The following NUDT3 variants were observed in gnomAD, a reference collection of about 807,000 sequenced individuals.
The protein encoded by NUDT3 is nudix hydrolase 3.
Under a neutral mutation model 23.6 loss-of-function variants are expected in NUDT3, and 9 were observed. The observed-to-expected ratio is 0.38, with a 90% confidence interval of 0.23 to 0.66. NUDT3 has a LOEUF of 0.66. Ranked by LOEUF, NUDT3 falls within the 30% of genes least tolerant of loss-of-function variation. The pLI, the probability that NUDT3 is intolerant of heterozygous loss-of-function variation, is 0.52. For synonymous variants in NUDT3, 86 were observed against 82.6 expected (o/e 1.04, Z -0.22); for missense variants, 172 against 218.5 (o/e 0.79, Z 1.34).
intron 2 of NUDT3, among the ~76,000 whole-genome samples, chr6:34,330,451 T>TA (rs1764110701): frequency 6.6e-6 from 1 of 152,212 alleles, no homozygotes; most frequent in South Asian, 2.1e-4. Flanking sequence ...ATGTAGAAGA[T>TA]ACACATTTTT....
chr6:34,345,351 C>T (rs1190152640), intron 1 of NUDT3, among the ~76,000 whole-genome samples: 1 of 151,904 alleles, frequency 6.6e-6, no homozygotes, highest in Non-Finnish European at 1.5e-5. Context: ...CCCAGCTGAT[C>T]ACTGTCATTT....
At chr6:34,326,838 T>G (rs537755728) in intron 2 of NUDT3, among the ~76,000 whole-genome samples, 7 of 152,058 alleles carry the variant, frequency 4.6e-5, no homozygotes, top group Non-Finnish European at 7.4e-5. Context: ...TAACCTCAGG[T>G]GATCCACCCG....
At chr6:34,329,273 A>T (rs549199348) in intron 2 of NUDT3, among the ~76,000 whole-genome samples, 117 of 152,200 alleles carry the variant, frequency 7.7e-4, no homozygotes, top group African/African-American at 2.6e-3. Flanking sequence ...TATATATATA[A>T]AAAAGAGAAC....
chr6:34,312,318 C>T (rs1461267677), intron 2 of NUDT3, among the ~76,000 whole-genome samples: 2 of 151,548 alleles, frequency 1.3e-5, no homozygotes, highest in African/African-American at 4.9e-5. Context: ...AGGAAAATCG[C>T]TTGAACCTGG....
chr6:34,369,572 T>C (rs6933172), intron 1 of NUDT3, among the ~76,000 whole-genome samples: 2,172 of 152,230 alleles, frequency 0.014, 43 homozygotes, highest in African/African-American at 0.046. Flanking sequence ...CAAACAGCGA[T>C]AGGTACTAGG....
intron 1 of NUDT3, among the ~76,000 whole-genome samples, chr6:34,369,280 T>C (rs900613968): frequency 6.6e-6 from 1 of 152,210 alleles, no homozygotes; most frequent in Non-Finnish European, 1.5e-5. Flanking sequence ...TACTGGGGGT[T>C]AAGTTACTCA....
chr6:34,355,757 T>C (rs1280341344), intron 1 of NUDT3, among the ~76,000 whole-genome samples: 1 of 151,726 alleles, frequency 6.6e-6, no homozygotes, highest in African/African-American at 2.4e-5. Flanking sequence ...TAGGCTTATT[T>C]ATTTATTCTT....
chr6:34,333,054 T>C (rs1184900253), intron 2 of NUDT3, among the ~76,000 whole-genome samples: 1 of 152,198 alleles, frequency 6.6e-6, no homozygotes, highest in African/African-American at 2.4e-5. Context: ...CAGCTTCTGC[T>C]GCCCTAGTCT....
At chr6:34,336,666 C>T (rs1764213403) in intron 2 of NUDT3, among the ~76,000 whole-genome samples, 1 of 152,064 alleles carries the variant, frequency 6.6e-6, no homozygotes, top group Admixed American at 6.6e-5. Context: ...AGTGCTTCCC[C>T]CTGTGTTTAC....
chr6:34,335,916 G>A (rs1241975843), intron 2 of NUDT3, among the ~76,000 whole-genome samples: 2 of 151,608 alleles, frequency 1.3e-5, no homozygotes, highest in African/African-American at 4.8e-5. Context: ...AATTTTTATT[G>A]ACACATAATA....
rs1039172345 is a variant in NUDT3 at position 34,287,163 on chromosome 6, ATTTCT to A, written c.*1585_*1589del. 1 of 152,216 alleles carries A rather than the reference ATTTCT, an allele frequency of 6.6e-6. No individual in the cohort carries two copies. Among genetic ancestry groups the A allele is most frequent in the Non-Finnish European group, 1.5e-5 (1 of 68,040 alleles). The allele number at this position is 152,216 out of a possible 1,614,324, so 9.4% of individuals were successfully genotyped here. A position where few individuals can be genotyped will look rare whatever the true frequency, so the allele number is the denominator to read the frequency against. Reference sequence around the variant, plus strand: ...TGACACAGGGCTATGAGGTACATACATTTCTTTTAGTAGGAGGGAAAAGTAAAAGC... The same window carrying A: ...TGACACAGGGCTATGAGGTACATACATTTAGTAGGAGGGAAAAGTAAAAGC... On this transcript the variant is annotated 3_prime_UTR_variant, in exon 5 of 5. Transcript: ENST00000607016.
At position 34,302,461 on chromosome 6, in the gene NUDT3, G is replaced by A. The variant is rs147842190; in HGVS notation, c.211-6776C>T. Among the ~76,000 whole-genome samples, 227 of 152,244 alleles carry A rather than the reference G, an allele frequency of 1.5e-3. 1 individual carries two copies. The highest frequency in any genetic ancestry group is 5.0e-3 in the African/African-American group (209 of 41,540). On this transcript the variant is annotated intron_variant, in intron 2 of 4. Transcript: ENST00000607016. The stretch of plus-strand genomic sequence containing the variant: ...AAGAAACACATCCATGGCCGGGTGC[G>A]GTGGCTCATGCCTGTAATCCCAGCA...
intron 2 of NUDT3, among the ~76,000 whole-genome samples, chr6:34,314,789 T>A (rs1342126285): frequency 1.3e-5 from 2 of 152,136 alleles, no homozygotes; most frequent in Non-Finnish European, 2.9e-5. Flanking sequence ...TAGTCTGTTT[T>A]TCTAGTAATA....
intron 2 of NUDT3, among the ~76,000 whole-genome samples, chr6:34,323,432 T>C (rs777715568): frequency 6.6e-6 from 1 of 152,088 alleles, no homozygotes; most frequent in Non-Finnish European, 1.5e-5. Context: ...CTGGGTGTGG[T>C]GGCTTGTGCC....
chr6:34,351,741 CAAAAAAAAAAA>C (rs1017090378), intron 1 of NUDT3, among the ~76,000 whole-genome samples: 1 of 54,340 alleles, frequency 1.8e-5, no homozygotes, highest in Non-Finnish European at 3.7e-5. Context: ...AACTCTGTCT[CAAAAAAAAAAA>C]AAAAAAAAAA....
intron 1 of NUDT3, among the ~76,000 whole-genome samples, chr6:34,371,126 A>G (rs1764820496): frequency 6.6e-6 from 1 of 151,466 alleles, no homozygotes; most frequent in Non-Finnish European, 1.5e-5. Flanking sequence ...AAGAAAAAAA[A>G]AAGTCTAATA....
chr6:34,316,502 T>G (rs1581861387), intron 2 of NUDT3, among the ~76,000 whole-genome samples: 1 of 152,090 alleles, frequency 6.6e-6, no homozygotes, highest in Non-Finnish European at 1.5e-5. Context: ...CTGGCATAGG[T>G]GTGAATGCTT....
intron 1 of NUDT3, among the ~76,000 whole-genome samples, chr6:34,364,388 G>A (rs1256311729): frequency 2.6e-5 from 4 of 151,992 alleles, no homozygotes; most frequent in East Asian, 1.9e-4. Flanking sequence ...CAATATATCC[G>A]ACAGCAGCTC....
At chr6:34,320,465 G>A (rs1225322564) in intron 2 of NUDT3, among the ~76,000 whole-genome samples, 1 of 152,004 alleles carries the variant, frequency 6.6e-6, no homozygotes, top group Non-Finnish European at 1.5e-5. Context: ...CTCGTGATCC[G>A]CCCACCTTGG....
Sources: allele counts gnomAD v4.1 joint callset (sites outside exome capture counted in the v4.1 genomes callset), GRCh38; gene constraint gnomAD v4.1.1; transcripts MANE v1.5; gene names NCBI Gene and HGNC (gene_info 2026-07-23, HGNC 2026-07-21).